The following TSNARE1 variants were observed in gnomAD, a reference collection of about 807,000 sequenced individuals.
TSNARE1 encodes the protein t-SNARE domain containing 1, also known as t-SNARE domain-containing protein 1.
TSNARE1 carries 49 observed loss-of-function variants against 62.0 expected under a neutral mutation model. The observed-to-expected ratio is 0.79, with a 90% CI of 0.63 to 1.00. The LOEUF (loss-of-function observed/expected upper bound fraction) is 1.00. Among genes scored for constraint, TSNARE1 ranks in the 50% least tolerant of loss-of-function variants. TSNARE1 has a pLI of 0.00. For missense variants in TSNARE1, 755 were observed against 700.1 expected, an observed-to-expected ratio of 1.08 and a Z score of -0.88; for synonymous variants, 328 against 294.4, an observed-to-expected ratio of 1.11 and a Z score of -1.17.
intron 7 of TSNARE1, among the ~76,000 whole-genome samples, chr8:142,317,917 C>T (rs1005388342): frequency 6.6e-6 from 1 of 152,156 alleles, no homozygotes; most frequent in Non-Finnish European, 1.5e-5. Context: ...AAGATCATGC[C>T]ACTGCACTTC....
intron 13 of TSNARE1, among the ~76,000 whole-genome samples, chr8:142,222,782 A>C (rs1586765740): frequency 8.5e-6 from 1 of 117,142 alleles, no homozygotes; most frequent in East Asian, 2.5e-4. Flanking sequence ...TCATCCACTC[A>C]CTCACTCACT....
chr8:142,258,116 C>T (rs149637095), intron 12 of TSNARE1, among the ~76,000 whole-genome samples: 39 of 152,340 alleles, frequency 2.6e-4, no homozygotes, highest in African/African-American at 9.4e-4. Context: ...CATGCCTATG[C>T]ACGAAGGCAC....
chr8:142,229,695 G>A, intron 12 of TSNARE1, 116 bp from the exon 13 acceptor site: 1 of 819,570 alleles, frequency 1.2e-6, no homozygotes. Flanking sequence ...TCCACCCTGG[G>A]GCAGGGTCCA....
intron 1 of TSNARE1, among the ~76,000 whole-genome samples, chr8:142,392,060 G>A (rs996133909): frequency 1.3e-5 from 2 of 152,128 alleles, no homozygotes; most frequent in South Asian, 4.1e-4. Flanking sequence ...TTTTGCTCTT[G>A]TTGCCCAAGT....
intron 5 of TSNARE1, 93 bp from the exon 6 acceptor site, chr8:142,331,063 G>T: frequency 7.7e-6 from 9 of 1,166,052 alleles, no homozygotes; most frequent in Non-Finnish European, 1.1e-5. Context: ...CCCGGGCAGG[G>T]TGAGCAGAGC....
Position 142,229,338 on chromosome 8 carries a change from C to T in TSNARE1, c.*11+135G>A, listed in dbSNP as rs550737683. The T allele has an allele frequency of 6.3e-4, 448 of 705,886 alleles. 3 individuals carry two copies. The highest frequency in any genetic ancestry group is 6.3e-3 in the African/African-American group (353 of 55,978). 43.7% of individuals were successfully genotyped at this position (705,886 alleles called of 1,614,324 possible). ...ATGGGTAGATGGATGGACAGATGGA[C>T]GGTAGACAGGTGGATAAATGGGTGG... On this transcript the variant is annotated intron_variant, in intron 13 of 13. Transcript: ENST00000524325.
intron 10 of TSNARE1, among the ~76,000 whole-genome samples, chr8:142,293,770 A>G (rs1195940398): frequency 6.6e-6 from 1 of 152,124 alleles, no homozygotes; most frequent in Non-Finnish European, 1.5e-5. Flanking sequence ...TTCAGACGCC[A>G]CCTGTTGGCT....
At chr8:142,386,721 G>A (rs939093710) in intron 1 of TSNARE1, among the ~76,000 whole-genome samples, 2 of 152,166 alleles carry the variant, frequency 1.3e-5, no homozygotes, top group South Asian at 4.1e-4. Flanking sequence ...AAGTAGAAAT[G>A]AGACAAAGAA....
chr8:142,228,370 G>A (rs185751487), intron 13 of TSNARE1, among the ~76,000 whole-genome samples: 40 of 152,300 alleles, frequency 2.6e-4, no homozygotes, highest in East Asian at 3.9e-4. Context: ...AGCCCTGCCC[G>A]GCTGCAGCCC....
intron 13 of TSNARE1, among the ~76,000 whole-genome samples, chr8:142,224,896 G>A (rs1351861258): frequency 5.3e-5 from 8 of 152,166 alleles, no homozygotes; most frequent in Admixed American, 2.0e-4. Context: ...TGGGGCAGAG[G>A]GCGGGGCTGG....
intron 13 of TSNARE1, among the ~76,000 whole-genome samples, chr8:142,217,311 GA>G (rs750805495): frequency 4.1e-5 from 1 of 24,142 alleles, no homozygotes; most frequent in African/African-American, 1.1e-4. Flanking sequence ...GAAAAAGAAA[GA>G]AAGAAAGAAA....
chr8:142,225,541 G>C (rs538836101), intron 13 of TSNARE1, among the ~76,000 whole-genome samples: 37 of 151,902 alleles, frequency 2.4e-4, no homozygotes, highest in Non-Finnish European at 4.3e-4. Flanking sequence ...CTGCAGTCCC[G>C]CTGCTGGCTC....
At chr8:142,218,134 A>T (rs1563751382) in intron 13 of TSNARE1, among the ~76,000 whole-genome samples, 1 of 123,172 alleles carries the variant, frequency 8.1e-6, no homozygotes, top group Non-Finnish European at 1.7e-5. Flanking sequence ...GCTCCGTGTG[A>T]CCAGGATCAG....
chr8:142,320,791 G>T (rs1829371387), intron 6 of TSNARE1, among the ~76,000 whole-genome samples: 1 of 152,248 alleles, frequency 6.6e-6, no homozygotes, highest in Admixed American at 6.5e-5. Context: ...GGTCAGGCAG[G>T]TCACGACTCA....
At chr8:142,273,495 A>G in intron 12 of TSNARE1, 1 of 985,442 alleles carries the variant, frequency 1.0e-6, no homozygotes, top group Non-Finnish European at 1.2e-6. Flanking sequence ...TGGCGCCAGG[A>G]GACCCAGCCC....
rs137933991 is a variant in TSNARE1, at chr8:142,255,964, AC to A, written c.1446+18816del. Among the ~76,000 whole-genome samples, 51 of 66,108 alleles carry A rather than the reference AC, an allele frequency of 7.7e-4. 1 individual carries two copies. The highest frequency in any genetic ancestry group is 1.5e-3 in the Non-Finnish European group (33 of 21,436). The allele number at this position is 66,108 out of a possible 152,430, so 43.4% of individuals were successfully genotyped here. A position where few individuals can be genotyped will look rare whatever the true frequency, so the allele number is the denominator to read the frequency against. ...CACCACCATCATCACCATCACCACCACCATCACCATCACCACCACCACCACC... is the reference window on the plus strand; with the variant it reads ...CACCACCATCATCACCATCACCACCACATCACCATCACCACCACCACCACC... On this transcript the variant is annotated intron_variant, in intron 12 of 13. Coordinates refer to ENST00000524325, the MANE Select transcript of TSNARE1 (RefSeq NM_145003.5).
At chr8:142,382,188 G>A (rs1334469739) in intron 1 of TSNARE1, among the ~76,000 whole-genome samples, 1 of 151,700 alleles carries the variant, frequency 6.6e-6, no homozygotes, top group Non-Finnish European at 1.5e-5. Flanking sequence ...GAGGAGGAGG[G>A]CCCAGCTGGG....
intron 6 of TSNARE1, among the ~76,000 whole-genome samples, chr8:142,330,276 G>A (rs1380508457): frequency 1.3e-5 from 2 of 152,168 alleles, no homozygotes; most frequent in Non-Finnish European, 2.9e-5. Context: ...CCCAGGGCAG[G>A]TGCTCCCTTC....
At chr8:142,249,251 C>T (rs1012760617) in intron 12 of TSNARE1, among the ~76,000 whole-genome samples, 4 of 152,178 alleles carry the variant, frequency 2.6e-5, no homozygotes, top group Admixed American at 6.5e-5. Flanking sequence ...GGGGTGAGGG[C>T]GGTGGACCCA....
Sources: gnomAD v4.1 joint callset for allele counts (sites outside exome capture counted in the v4.1 genomes callset) on GRCh38, gnomAD v4.1.1 for gene constraint, MANE v1.5 for transcripts, NCBI Gene and HGNC (gene_info 2026-07-23, HGNC 2026-07-21) for gene names.